FAM174A: variants seen among roughly 807,000 people sequenced by gnomAD.
FAM174A encodes the protein family with sequence similarity 174 member A, also known as membrane protein FAM174A.
A neutral mutation model predicts 14.3 loss-of-function variants in FAM174A; 14 were observed. The ratio of observed to expected loss-of-function variants is 0.98; its 90% CI spans 0.65 to 1.53. The LOEUF is 1.53. FAM174A is among the 40% of genes most tolerant of loss of function. The probability of loss-of-function intolerance (pLI) is 0.00; values close to 1 mark genes in which losing one functional copy is unlikely to be tolerated. For missense variants in FAM174A, 241 were observed against 249.6 expected (o/e 0.97, Z 0.23); for synonymous variants, 108 against 111.4 (o/e 0.97, Z 0.19).
chr5:100,552,719 T>A (rs1746288998), intron 1 of FAM174A, among the ~76,000 whole-genome samples: 1 of 152,132 alleles, frequency 6.6e-6, no homozygotes, highest in South Asian at 2.1e-4. Context: ...CTAACTTATA[T>A]ACATGTTATT....
intron 1 of FAM174A, among the ~76,000 whole-genome samples, chr5:100,560,210 C>G (rs1746494673): frequency 6.6e-6 from 1 of 152,038 alleles, no homozygotes; most frequent in Admixed American, 6.6e-5. Context: ...TGCTGGAGGT[C>G]CACTCCAGAC....
intron 2 of FAM174A, among the ~76,000 whole-genome samples, chr5:100,569,425 A>G (rs548878504): frequency 1.3e-4 from 19 of 151,862 alleles, no homozygotes; most frequent in East Asian, 1.2e-3. Flanking sequence ...ATATTATTCA[A>G]TAGTGGCTAT....
intron 2 of FAM174A, among the ~76,000 whole-genome samples, chr5:100,571,943 GC>G (rs1746790710): frequency 6.6e-6 from 1 of 151,700 alleles, no homozygotes; most frequent in Admixed American, 6.6e-5. Context: ...GTAAACCAAG[GC>G]AAATTCAAGT....
chr5:100,582,492 G>A (rs1363409332), intron 2 of FAM174A, among the ~76,000 whole-genome samples: 1 of 151,184 alleles, frequency 6.6e-6, no homozygotes, highest in East Asian at 1.9e-4. Flanking sequence ...TTTTAATTTG[G>A]TTTGATCAAA....
rs191325414 is a variant in FAM174A, at chr5:100,571,505, A to C, written c.569+9317A>C. On this transcript the variant is annotated intron_variant, in intron 2 of 2. Transcript: ENST00000312637. ...GTGGTGAATTATGTGCGTAATTTTC[A>C]CATAACTGCTTTTCCTTGTGATTAT... is the stretch of plus-strand genomic sequence containing the variant. Among the ~76,000 whole-genome samples the C allele has an allele frequency of 4.4e-4, 66 of 150,746 alleles. 1 individual carries two copies. Among genetic ancestry groups the C allele is most frequent in the African/African-American group, 1.6e-3 (65 of 41,360 alleles).
chr5:100,584,705 T>A (rs1326538096), intron 2 of FAM174A, among the ~76,000 whole-genome samples: 3 of 152,186 alleles, frequency 2.0e-5, no homozygotes, highest in Non-Finnish European at 4.4e-5. Flanking sequence ...ATAAAAAAGT[T>A]ATTTCAAAAA....
chr5:100,535,694 CG>C lies in FAM174A; in HGVS notation c.165del (p.Leu56CysfsTer56), dbSNP rs760119092. The C allele has an allele frequency of 6.2e-7, 1 of 1,609,016 alleles. No homozygotes were observed. Among genetic ancestry groups the C allele is most frequent in the Admixed American group, 1.7e-5 (1 of 59,924 alleles). ...PPDPRPRTLP[P>X]LPPGPTPAQQ... Reference sequence around the variant, plus strand: ...GACCCTAGACCACGGACATTACCGCCGCTGCCACCGGGCCCTACCCCTGCCC... The same window carrying C: ...GACCCTAGACCACGGACATTACCGCCCTGCCACCGGGCCCTACCCCTGCCC... On this transcript the variant is annotated frameshift_variant, in exon 1 of 3. Coordinates refer to ENST00000312637, the MANE Select transcript of FAM174A (RefSeq NM_198507.3). LOFTEE classifies it high-confidence loss of function.
intron 1 of FAM174A, among the ~76,000 whole-genome samples, chr5:100,545,093 C>T (rs1403087131): frequency 6.6e-6 from 1 of 152,194 alleles, no homozygotes; most frequent in Non-Finnish European, 1.5e-5. Flanking sequence ...GTTCTTTTGT[C>T]ATGATCTCCA....
intron 1 of FAM174A, among the ~76,000 whole-genome samples, chr5:100,561,225 A>G (rs990720152): frequency 1.3e-5 from 2 of 152,022 alleles, no homozygotes; most frequent in Non-Finnish European, 2.9e-5. Context: ...ATGAATGTTA[A>G]GCACCCTTGA....
At chr5:100,557,298 G>A (rs1046723352) in intron 1 of FAM174A, among the ~76,000 whole-genome samples, 3 of 152,106 alleles carry the variant, frequency 2.0e-5, no homozygotes, top group African/African-American at 4.8e-5. Context: ...ACTTGATCTT[G>A]GTGGATAAGC....
rs1561309908 is a variant in FAM174A, at chr5:100,535,771, G to A, written c.241G>A (p.Gly81Arg). The A allele has an allele frequency of 3.7e-6, 6 of 1,605,978 alleles. No homozygotes were observed. Among genetic ancestry groups the A allele is most frequent in the Admixed American group, 3.4e-5 (2 of 59,614 alleles). ...AGCTGCGGGGCCGCGGGGCTCCGAG[G>A]GAGGCAATGGCAGCAACCCTGTGGC... is the stretch of plus-strand genomic sequence containing the variant. ...AEAAGPRGSE[G>R]GNGSNPVAGL... is the part of the protein sequence containing the mutation. Residue 81 changes from glycine to arginine, a missense_variant, in exon 1 of 3, where the codon GGA (glycine) becomes AGA (arginine). By Grantham distance (125) the Gly-to-Arg change is moderately radical. Coordinates refer to ENST00000312637, the MANE Select transcript of FAM174A (RefSeq NM_198507.3).
chr5:100,562,413 T>G (rs1746545098), intron 2 of FAM174A, among the ~76,000 whole-genome samples: 1 of 151,860 alleles, frequency 6.6e-6, no homozygotes, highest in African/African-American at 2.4e-5. Context: ...TTTTTTTAAT[T>G]TATTCTTCTG....
At chr5:100,565,218 A>G (rs937853948) in intron 2 of FAM174A, among the ~76,000 whole-genome samples, 10 of 152,022 alleles carry the variant, frequency 6.6e-5, no homozygotes, top group African/African-American at 2.4e-4. Flanking sequence ...ATGCAAATCA[A>G]TGCAATAGAA....
At position 100,535,466 on chromosome 5, in the gene FAM174A, T is replaced by G. The variant is rs1174807323; in HGVS notation, c.-65T>G. 5.8e-6 allele frequency: 9 copies of G among 1,564,108 alleles called. No homozygotes were observed. The highest frequency in any genetic ancestry group is 1.4e-5 in the African/African-American group (1 of 73,980). ...GCTTCATTCTCCACCGCGCCTATGG[T>G]CCCTCTTGGAGCCAGCGTGGCGGGC... On this transcript the variant is annotated 5_prime_UTR_variant, in exon 1 of 3. Coordinates refer to ENST00000312637, the MANE Select transcript of FAM174A (RefSeq NM_198507.3).
chr5:100,581,177 ACC>A (rs1747003901), intron 2 of FAM174A, among the ~76,000 whole-genome samples: 1 of 151,788 alleles, frequency 6.6e-6, no homozygotes, highest in African/African-American at 2.4e-5. Context: ...TGATTCACTC[ACC>A]CGGGCCTCCC....
intron 2 of FAM174A, among the ~76,000 whole-genome samples, chr5:100,575,790 C>A (rs1746892289): frequency 6.6e-6 from 1 of 152,098 alleles, no homozygotes; most frequent in Non-Finnish European, 1.5e-5. Context: ...ACTCATCTGA[C>A]AAAAGGCTAA....
chr5:100,551,631 A>G (rs1161317499), intron 1 of FAM174A, among the ~76,000 whole-genome samples: 2 of 152,158 alleles, frequency 1.3e-5, no homozygotes, highest in Non-Finnish European at 2.9e-5. Context: ...TTAATTTGTT[A>G]GAGCTGTTGC....
intron 1 of FAM174A, among the ~76,000 whole-genome samples, chr5:100,559,675 C>T (rs1561318083): frequency 6.6e-6 from 1 of 152,046 alleles, no homozygotes; most frequent in Non-Finnish European, 1.5e-5. Flanking sequence ...CTAAAATTCT[C>T]TTGTCACTTC....
chr5:100,583,569 T>C (rs891459659), intron 2 of FAM174A, among the ~76,000 whole-genome samples: 1 of 152,190 alleles, frequency 6.6e-6, no homozygotes, highest in South Asian at 2.1e-4. Context: ...TTCTGTTCAT[T>C]GTTCCATTGT....
Sources: allele counts gnomAD v4.1 joint callset (sites outside exome capture counted in the v4.1 genomes callset), GRCh38; gene constraint gnomAD v4.1.1; transcripts MANE v1.5; gene names NCBI Gene and HGNC (gene_info 2026-07-23, HGNC 2026-07-21).